The following CACNB2 variants were observed in gnomAD, a reference collection of about 807,000 sequenced individuals.
The protein encoded by CACNB2 is calcium voltage-gated channel auxiliary subunit beta 2.
In CACNB2, 42 loss-of-function variants were observed where a neutral mutation model predicts 73.3. The ratio of observed to expected loss-of-function variants is 0.57; its 90% CI spans 0.45 to 0.74. The LOEUF (loss-of-function observed/expected upper bound fraction) is 0.74. Ranked by LOEUF, CACNB2 falls within the 30% of genes least tolerant of loss-of-function variation. The probability of loss-of-function intolerance (pLI) is 0.00; values close to 1 mark genes in which losing one functional copy is unlikely to be tolerated. For synonymous variants in CACNB2, 348 were observed against 310.3 expected, an observed-to-expected ratio of 1.12 and a Z score of -1.28; for missense variants, 940 against 853.0, an observed-to-expected ratio of 1.10 and a Z score of -1.27.
intron 3 of CACNB2, among the ~76,000 whole-genome samples, chr10:18,494,266 A>G (rs1283651005): frequency 6.6e-6 from 1 of 152,184 alleles, no homozygotes; most frequent in East Asian, 1.9e-4. Flanking sequence ...CGAGTCAGGC[A>G]TTAAAAATGT....
At chr10:18,258,981 TAA>T (rs2037406890) in intron 2 of CACNB2, among the ~76,000 whole-genome samples, 1 of 152,164 alleles carries the variant, frequency 6.6e-6, no homozygotes, top group Admixed American at 6.5e-5. Context: ...ATTTAATCAC[TAA>T]AGTGTCCTTA....
chr10:18,279,408 C>G (rs772394367), intron 2 of CACNB2, among the ~76,000 whole-genome samples: 4 of 152,170 alleles, frequency 2.6e-5, no homozygotes, highest in African/African-American at 4.8e-5. Context: ...GCTTAAGAAA[C>G]GATTGTTTGT....
intron 1 of CACNB2, among the ~76,000 whole-genome samples, chr10:18,150,631 C>A (rs1029404099): frequency 2.2e-4 from 33 of 152,174 alleles, no homozygotes; most frequent in African/African-American, 7.9e-4. Context: ...CCATTGCACT[C>A]CAGCCTGGCC....
At chr10:18,392,361 T>G (rs1442341803) in intron 2 of CACNB2, among the ~76,000 whole-genome samples, 4 of 152,312 alleles carry the variant, frequency 2.6e-5, no homozygotes, top group East Asian at 3.9e-4. Flanking sequence ...TGTTAAAGGC[T>G]GCTGATTGCT....
At chr10:18,252,132 A>G (rs1437439322) in intron 2 of CACNB2, among the ~76,000 whole-genome samples, 1 of 152,122 alleles carries the variant, frequency 6.6e-6, no homozygotes, top group Non-Finnish European at 1.5e-5. Context: ...ATCTTATCTA[A>G]CCTATTGTCC....
At chr10:18,418,480 A>C (rs1197347271) in intron 3 of CACNB2, among the ~76,000 whole-genome samples, 1 of 152,224 alleles carries the variant, frequency 6.6e-6, no homozygotes, top group Non-Finnish European at 1.5e-5. Flanking sequence ...CCTTACTTCT[A>C]CATTTGAGTC....
intron 3 of CACNB2, among the ~76,000 whole-genome samples, chr10:18,462,720 A>C (rs577797911): frequency 5.9e-5 from 9 of 151,980 alleles, no homozygotes; most frequent in African/African-American, 1.9e-4. Context: ...TTCATTTTTT[A>C]GTATTTTATA....
At position 18,220,226 on chromosome 10, in the gene CACNB2, TATATATAGAGAG is replaced by T. The variant is rs1278278238; in HGVS notation, c.213+69253_213+69264del. Among the ~76,000 whole-genome samples the T allele has an allele frequency of 3.2e-3, 144 of 45,654 alleles. 1 individual carries two copies. The highest frequency in any genetic ancestry group is 0.013 in the African/African-American group (66 of 5,060). 30.0% of individuals were successfully genotyped at this position (45,654 alleles called of 152,430 possible). ...GTATATATATATATATATATATATA[TATATATAGAGAG>T]AGAGAGAGAGAGAGAGAGAGAGAGA... is the stretch of plus-strand genomic sequence containing the variant. On this transcript the variant is annotated intron_variant, in intron 2 of 13. Coordinates refer to ENST00000324631, the MANE Select transcript of CACNB2 (RefSeq NM_201596.3).
intron 3 of CACNB2, among the ~76,000 whole-genome samples, chr10:18,456,860 C>T (rs1484502035): frequency 3.9e-5 from 6 of 152,180 alleles, no homozygotes; most frequent in Non-Finnish European, 8.8e-5. Context: ...CCACCGTATG[C>T]ATATACCACA....
intron 3 of CACNB2, among the ~76,000 whole-genome samples, chr10:18,418,060 G>A (rs1344950953): frequency 6.6e-6 from 1 of 151,988 alleles, no homozygotes; most frequent in Admixed American, 6.6e-5. Context: ...GCAGGGTTGT[G>A]GTTTTTTGTT....
At chr10:18,234,784 A>G (rs1442940564) in intron 2 of CACNB2, among the ~76,000 whole-genome samples, 3 of 152,124 alleles carry the variant, frequency 2.0e-5, no homozygotes, top group Non-Finnish European at 2.9e-5. Context: ...AGTCCTGGAG[A>G]TGGATGGTGG....
chr10:18,366,371 A>G (rs777397566), intron 2 of CACNB2, among the ~76,000 whole-genome samples: 1 of 151,318 alleles, frequency 6.6e-6, no homozygotes. Context: ...AGGCTGAGGC[A>G]GGAGAATGGT....
intron 2 of CACNB2, among the ~76,000 whole-genome samples, chr10:18,342,750 A>G (rs986123239): frequency 6.6e-6 from 1 of 152,148 alleles, no homozygotes; most frequent in African/African-American, 2.4e-5. Flanking sequence ...AGTCTTTCTC[A>G]AAGTTCTCCA....
At chr10:18,260,370 G>C in intron 2 of CACNB2, 2 of 897,430 alleles carry the variant, frequency 2.2e-6, no homozygotes, top group Non-Finnish European at 2.7e-6. Context: ...GAATTAATGA[G>C]GTCTGAGTCG....
chr10:18,536,243 C>CTTTTTTTTTTTTTTTTTTTTTTTTTTT, intron 12 of CACNB2, 47 bp downstream of exon 12: 1 of 280,946 alleles, frequency 3.6e-6, no homozygotes, highest in Non-Finnish European at 5.8e-6. Flanking sequence ...GAGATCAGAC[C>CTTTTTTTTTTTTTTTTTTTTTTTTTTT]TTTTTTTTTT....
intron 3 of CACNB2, among the ~76,000 whole-genome samples, chr10:18,415,683 A>G (rs2044913711): frequency 6.6e-6 from 1 of 152,154 alleles, no homozygotes; most frequent in Admixed American, 6.5e-5. Context: ...ATTGCTAACT[A>G]TGGGGTCCAA....
rs769211879 is a variant in CACNB2, at chr10:18,150,879, T to TTTTTTTTTTTTTTTTTTTTTTTTG, written c.121-3_121-2insTTTTTTTTTTTTTTTTTTTTTTGT. 4.3e-5 allele frequency: 54 copies of TTTTTTTTTTTTTTTTTTTTTTTTG among 1,259,884 alleles called. 8 individuals are homozygous for TTTTTTTTTTTTTTTTTTTTTTTTG. Among genetic ancestry groups the TTTTTTTTTTTTTTTTTTTTTTTTG allele is most frequent in the East Asian group, 1.8e-4 (7 of 39,626 alleles). The allele number at this position is 1,259,884 out of a possible 1,614,324, so 78.0% of individuals were successfully genotyped here. On this transcript the variant is annotated splice_polypyrimidine_tract_variant and splice_region_variant and intron_variant, in intron 1 of 13. Coordinates refer to ENST00000324631, the MANE Select transcript of CACNB2 (RefSeq NM_201596.3). Reference sequence around the variant, plus strand: ...TCTTTTTTTTTTTTTTTTTTTTTTTTTAGTCATATGGAAAAGGAGCCAGAA... The same window carrying TTTTTTTTTTTTTTTTTTTTTTTTG: ...TCTTTTTTTTTTTTTTTTTTTTTTTTTTTTTTTTTTTTTTTTTTTTTTTGTAGTCATATGGAAAAGGAGCCAGAA...
chr10:18,356,191 C>G (rs1164834844), intron 2 of CACNB2, among the ~76,000 whole-genome samples: 1 of 152,170 alleles, frequency 6.6e-6, no homozygotes, highest in African/African-American at 2.4e-5. Flanking sequence ...AAGGATGAAG[C>G]TGCCATAGGC....
At chr10:18,200,425 C>G (rs2034829894) in intron 2 of CACNB2, among the ~76,000 whole-genome samples, 1 of 151,556 alleles carries the variant, frequency 6.6e-6, no homozygotes. Flanking sequence ...GAATATGGCT[C>G]CTTTCCATTC....
Sources: allele counts gnomAD v4.1 joint callset (sites outside exome capture counted in the v4.1 genomes callset), GRCh38; gene constraint gnomAD v4.1.1; transcripts MANE v1.5; gene names NCBI Gene and HGNC (gene_info 2026-07-23, HGNC 2026-07-21).